ST13: variants seen among roughly 807,000 people sequenced by gnomAD.
The protein encoded by ST13 is hsc70-interacting protein.
Under a neutral mutation model 56.7 loss-of-function variants are expected in ST13, and 23 were observed. That is an observed-to-expected ratio of 0.41 (90% CI 0.29 to 0.57). The LOEUF (loss-of-function observed/expected upper bound fraction) is 0.57, where lower values mean the gene tolerates loss of function less well. Ranked by LOEUF, ST13 falls within the 20% of genes least tolerant of loss-of-function variation. The pLI is 0.36. For missense variants in ST13, 369 were observed against 459.9 expected, an observed-to-expected ratio of 0.80 and a Z score of 1.81; for synonymous variants, 132 against 142.4, an observed-to-expected ratio of 0.93 and a Z score of 0.52.
chr22:40,850,747 G>A, intron 2 of ST13, 76 bp downstream of exon 2: 1 of 1,054,634 alleles, frequency 9.5e-7, no homozygotes, highest in Non-Finnish European at 1.4e-6. Flanking sequence ...TAACTGGAGA[G>A]CAGCAGTTTA....
At chr22:40,850,211 T>C (rs1042246281) in intron 2 of ST13, among the ~76,000 whole-genome samples, 2 of 152,242 alleles carry the variant, frequency 1.3e-5, no homozygotes, top group African/African-American at 4.8e-5. Flanking sequence ...TGAGCCGAGA[T>C]TGTACCAGTG....
chr22:40,843,935 T>C (rs993728428), intron 4 of ST13, among the ~76,000 whole-genome samples: 1 of 150,530 alleles, frequency 6.6e-6, no homozygotes, highest in Non-Finnish European at 1.5e-5. Flanking sequence ...CAGGCTGGAG[T>C]GCAGGGGTGC....
chr22:40,826,762 G>T, intron 11 of ST13, 96 bp from the exon 12 acceptor site: 3 of 1,431,288 alleles, frequency 2.1e-6, no homozygotes, highest in Non-Finnish European at 2.9e-6. Context: ...CCTGTAATTT[G>T]GTGATAGTTA....
intron 10 of ST13, among the ~76,000 whole-genome samples, chr22:40,829,296 C>G (rs1279870870): frequency 6.6e-6 from 1 of 152,172 alleles, no homozygotes; most frequent in Non-Finnish European, 1.5e-5. Flanking sequence ...AAATTCCACA[C>G]TGTCGTAATC....
intron 3 of ST13, among the ~76,000 whole-genome samples, chr22:40,847,857 GC>G (rs2057840392): frequency 6.6e-6 from 1 of 152,074 alleles, no homozygotes; most frequent in African/African-American, 2.4e-5. Context: ...GGCCAGCCTT[GC>G]CAACATGGTG....
Position 40,825,991 on chromosome 22 carries a change from C to G in ST13, c.*547G>C, listed in dbSNP as rs1463078746. 6.5e-6 allele frequency: 1 copy of G among 152,708 alleles called. No individual in the cohort carries two copies. Among genetic ancestry groups the G allele is most frequent in the African/African-American group, 2.4e-5 (1 of 41,434 alleles). The allele number at this position is 152,708 out of a possible 1,614,324, so 9.5% of individuals were successfully genotyped here. A position where few individuals can be genotyped will look rare whatever the true frequency, so the allele number is the denominator to read the frequency against. On this transcript the variant is annotated 3_prime_UTR_variant, in exon 12 of 12. Transcript: ENST00000216218. Reference sequence around the variant, plus strand: ...CCTGCCAAGTACTTCCAATCCCTACCCAGGTCCTACTGAAATACGGGTGGT... The same window carrying G: ...CCTGCCAAGTACTTCCAATCCCTACGCAGGTCCTACTGAAATACGGGTGGT...
intron 4 of ST13, among the ~76,000 whole-genome samples, chr22:40,843,371 CA>C (rs900646902): frequency 5.1e-4 from 78 of 152,044 alleles, no homozygotes; most frequent in African/African-American, 1.7e-3. Context: ...CAAGAACAGC[CA>C]AAAGACTAAA....
intron 7 of ST13, among the ~76,000 whole-genome samples, chr22:40,832,873 A>G (rs1185414726): frequency 6.6e-6 from 1 of 152,232 alleles, no homozygotes; most frequent in Admixed American, 6.5e-5. Context: ...AATTTCCTCT[A>G]TTTAAAGCTG....
intron 1 of ST13, among the ~76,000 whole-genome samples, chr22:40,852,361 C>T (rs975474355): frequency 6.6e-6 from 1 of 152,150 alleles, no homozygotes; most frequent in Non-Finnish European, 1.5e-5. Flanking sequence ...CAACTCTCAT[C>T]CAGCTTTCTA....
At chr22:40,853,861 T>A (rs8142036) in intron 1 of ST13, among the ~76,000 whole-genome samples, 2,536 of 152,190 alleles carry the variant, frequency 0.017, 70 homozygotes, top group African/African-American at 0.059. Context: ...TACTAAATTG[T>A]TAAACGGGAG....
chr22:40,826,427 C>T lies in ST13; in HGVS notation c.*111G>A, dbSNP rs1221451030. On this transcript the variant is annotated 3_prime_UTR_variant, in exon 12 of 12. Transcript: ENST00000216218. ...GGTAGGGATTATCTTCAAAGCACCC[C>T]AGCTCTCTTGATGAGAAGGTCAGAG... is the stretch of plus-strand genomic sequence containing the variant. 1 of 1,137,780 alleles carries T rather than the reference C, an allele frequency of 8.8e-7. No individual in the cohort carries two copies. The allele number at this position is 1,137,780 out of a possible 1,614,324, so 70.5% of individuals were successfully genotyped here. A position where few individuals can be genotyped will look rare whatever the true frequency, so the allele number is the denominator to read the frequency against.
chr22:40,835,028 A>G (rs2057770839), intron 7 of ST13, among the ~76,000 whole-genome samples: 1 of 152,208 alleles, frequency 6.6e-6, no homozygotes, highest in African/African-American at 2.4e-5. Flanking sequence ...GCTGCAAGGT[A>G]TAATTACTAA....
intron 2 of ST13, among the ~76,000 whole-genome samples, chr22:40,849,856 TA>T (rs779842840): frequency 2.4e-4 from 34 of 143,516 alleles, no homozygotes; most frequent in Non-Finnish European, 3.6e-4. Flanking sequence ...TTTAAGTTTC[TA>T]AATAATAAAA....
intron 1 of ST13, among the ~76,000 whole-genome samples, chr22:40,852,716 C>T (rs1017286060): frequency 6.6e-6 from 1 of 152,208 alleles, no homozygotes; most frequent in African/African-American, 2.4e-5. Context: ...ACATCCTAAT[C>T]TGCAATTCAG....
chr22:40,856,087 A>G (rs2057892522), intron 1 of ST13, among the ~76,000 whole-genome samples: 1 of 152,188 alleles, frequency 6.6e-6, no homozygotes, highest in Non-Finnish European at 1.5e-5. Context: ...CAGGGCACAC[A>G]AGACTGAAAG....
intron 8 of ST13, chr22:40,832,085 A>T: frequency 2.3e-6 from 1 of 427,670 alleles, no homozygotes. Context: ...TGAACTCCTG[A>T]CCTCATGATC....
At chr22:40,855,174 C>T (rs2057883128) in intron 1 of ST13, among the ~76,000 whole-genome samples, 1 of 152,172 alleles carries the variant, frequency 6.6e-6, no homozygotes, top group Non-Finnish European at 1.5e-5. Flanking sequence ...AAAAATATCA[C>T]GCTGGGTGAA....
At chr22:40,850,649 T>C (rs2057856693) in intron 2 of ST13, among the ~76,000 whole-genome samples, 174 bp downstream of exon 2, 1 of 152,266 alleles carries the variant, frequency 6.6e-6, no homozygotes, top group Middle Eastern at 3.4e-3. Context: ...TAAATCAGAA[T>C]CCAGAGAATT....
intron 4 of ST13, among the ~76,000 whole-genome samples, chr22:40,841,452 A>C (rs1048056567): frequency 2.6e-5 from 4 of 152,078 alleles, no homozygotes; most frequent in Non-Finnish European, 5.9e-5. Flanking sequence ...CTTTAACCAC[A>C]GGAAAAAAAT....
Sources: allele counts gnomAD v4.1 joint callset (sites outside exome capture counted in the v4.1 genomes callset), GRCh38; gene constraint gnomAD v4.1.1; transcripts MANE v1.5; gene names NCBI Gene and HGNC (gene_info 2026-07-23, HGNC 2026-07-21).